The following KCND2 variants were observed in gnomAD, a reference collection of about 807,000 sequenced individuals.
The protein encoded by KCND2 is A-type voltage-gated potassium channel KCND2.
KCND2 carries 16 observed loss-of-function variants against 54.4 expected under a neutral mutation model. That is an observed-to-expected ratio of 0.29 (90% CI 0.20 to 0.45). The LOEUF is 0.45. KCND2 is among the 20% of genes least tolerant of loss of function. The pLI is 1.00. For missense variants in KCND2, 486 were observed against 824.2 expected (o/e 0.59, Z 5.02); for synonymous variants, 317 against 310.7 (o/e 1.02, Z -0.21).
At chr7:120,539,733 ATC>A (rs1384532297) in intron 1 of KCND2, among the ~76,000 whole-genome samples, 1 of 152,190 alleles carries the variant, frequency 6.6e-6, no homozygotes, top group Non-Finnish European at 1.5e-5. Flanking sequence ...CATATCTATA[ATC>A]TCTTAGTTAC....
Position 120,682,887 on chromosome 7 carries a change from T to A in KCND2, c.1116-50016T>A, listed in dbSNP as rs114656545. On this transcript the variant is annotated intron_variant, in intron 1 of 5. Coordinates refer to ENST00000331113, the MANE Select transcript of KCND2 (RefSeq NM_012281.3). ...GCTCTGCCATTATTTGGTTTGTTGG[T>A]GATATTCCTACTCAGGGTGTTAAAA... 3.2e-3 allele frequency among the ~76,000 whole-genome samples: 487 copies of A among 152,238 alleles called. 1 individual carries two copies. Among genetic ancestry groups the A allele is most frequent in the African/African-American group, 0.011 (467 of 41,560 alleles).
At chr7:120,467,208 T>C (rs1446073952) in intron 1 of KCND2, among the ~76,000 whole-genome samples, 2 of 152,140 alleles carry the variant, frequency 1.3e-5, no homozygotes, top group Non-Finnish European at 2.9e-5. Flanking sequence ...GAGAATAATA[T>C]AGGTCAGAGA....
At chr7:120,490,052 G>A (rs1202722719) in intron 1 of KCND2, among the ~76,000 whole-genome samples, 2 of 152,098 alleles carry the variant, frequency 1.3e-5, no homozygotes, top group African/African-American at 4.8e-5. Flanking sequence ...TCTCAGAGTG[G>A]CCTGGAAGTC....
intron 1 of KCND2, among the ~76,000 whole-genome samples, chr7:120,401,712 C>G (rs1232369774): frequency 6.6e-6 from 1 of 152,154 alleles, no homozygotes; most frequent in African/African-American, 2.4e-5. Flanking sequence ...CATCTGTTGT[C>G]TTAGTAGCCT....
At chr7:120,591,110 C>T (rs1792666420) in intron 1 of KCND2, among the ~76,000 whole-genome samples, 1 of 152,044 alleles carries the variant, frequency 6.6e-6, no homozygotes, top group Non-Finnish European at 1.5e-5. Context: ...GCTTTTTTCC[C>T]AGTATATATC....
chr7:120,632,997 A>G (rs963326055), intron 1 of KCND2, among the ~76,000 whole-genome samples: 25 of 152,220 alleles, frequency 1.6e-4, no homozygotes, highest in African/African-American at 5.8e-4. Context: ...AAAACCTGCA[A>G]CAATTCTCAG....
At chr7:120,451,825 T>A (rs769493449) in intron 1 of KCND2, among the ~76,000 whole-genome samples, 47 of 152,216 alleles carry the variant, frequency 3.1e-4, no homozygotes, top group Non-Finnish European at 5.6e-4. Flanking sequence ...TATGCTCCAG[T>A]GTCACTGAAA....
chr7:120,428,868 A>T (rs1317230751), intron 1 of KCND2, among the ~76,000 whole-genome samples: 1 of 152,198 alleles, frequency 6.6e-6, no homozygotes, highest in African/African-American at 2.4e-5. Context: ...ATACATAAAT[A>T]CCCCTTAAAT....
At chr7:120,574,837 C>A (rs567852548) in intron 1 of KCND2, among the ~76,000 whole-genome samples, 1 of 152,076 alleles carries the variant, frequency 6.6e-6, no homozygotes, top group African/African-American at 2.4e-5. Flanking sequence ...GATCTTTGGG[C>A]AATCTATGTA....
intron 1 of KCND2, among the ~76,000 whole-genome samples, chr7:120,543,010 A>C (rs1791997742): frequency 6.6e-6 from 1 of 152,060 alleles, no homozygotes; most frequent in African/African-American, 2.4e-5. Flanking sequence ...ACTCCTACAT[A>C]TGCACACATA....
intron 1 of KCND2, among the ~76,000 whole-genome samples, chr7:120,308,491 T>C (rs1478790808): frequency 5.3e-5 from 8 of 152,162 alleles, no homozygotes; most frequent in Non-Finnish European, 1.2e-4. Context: ...AAAACTCAAA[T>C]AGAGATAAAA....
intron 1 of KCND2, among the ~76,000 whole-genome samples, chr7:120,538,043 T>C (rs1791933258): frequency 6.6e-6 from 1 of 152,220 alleles, no homozygotes; most frequent in South Asian, 2.1e-4. Flanking sequence ...TATTTCAGCT[T>C]TTCACATGCT....
intron 1 of KCND2, among the ~76,000 whole-genome samples, chr7:120,602,269 A>T (rs1265034028): frequency 6.6e-6 from 1 of 152,208 alleles, no homozygotes; most frequent in Middle Eastern, 3.2e-3. Context: ...TGATCATCAG[A>T]GTGTGGCGAA....
chr7:120,476,935 T>C (rs1183519659), intron 1 of KCND2, among the ~76,000 whole-genome samples: 3 of 152,212 alleles, frequency 2.0e-5, no homozygotes, highest in Non-Finnish European at 4.4e-5. Context: ...CAAGAAAGGT[T>C]GGCCTCATCT....
chr7:120,624,416 T>C (rs1290120998), intron 1 of KCND2, among the ~76,000 whole-genome samples: 3 of 152,192 alleles, frequency 2.0e-5, no homozygotes, highest in African/African-American at 4.8e-5. Flanking sequence ...AAGAGAGATA[T>C]TTAGCACATA....
At chr7:120,582,975 TGTG>T (rs1318454385) in intron 1 of KCND2, among the ~76,000 whole-genome samples, 3 of 151,884 alleles carry the variant, frequency 2.0e-5, no homozygotes, top group African/African-American at 4.8e-5. Context: ...TGTGTGTGTG[TGTG>T]TATGTTTTAT....
chr7:120,519,113 G>A (rs772967048), intron 1 of KCND2, among the ~76,000 whole-genome samples: 2 of 151,974 alleles, frequency 1.3e-5, no homozygotes, highest in Admixed American at 1.3e-4. Flanking sequence ...AGATCACTTC[G>A]GATCAGGAGT....
At chr7:120,640,634 A>G (rs1793360162) in intron 1 of KCND2, among the ~76,000 whole-genome samples, 1 of 152,188 alleles carries the variant, frequency 6.6e-6, no homozygotes, top group Admixed American at 6.5e-5. Context: ...CAAAAAAAAA[A>G]GAAAATGTTC....
At chr7:120,659,033 A>T (rs1791836389) in intron 1 of KCND2, among the ~76,000 whole-genome samples, 1 of 152,242 alleles carries the variant, frequency 6.6e-6, no homozygotes, top group African/African-American at 2.4e-5. Context: ...TCGGTATGTA[A>T]CTAACTGAAT....
Sources: gnomAD v4.1 joint callset for allele counts (sites outside exome capture counted in the v4.1 genomes callset) on GRCh38, gnomAD v4.1.1 for gene constraint, MANE v1.5 for transcripts, NCBI Gene and HGNC (gene_info 2026-07-23, HGNC 2026-07-21) for gene names.